Variants in IMPG1 observed in about 807,000 individuals in gnomAD.
IMPG1 encodes the protein interphotoreceptor matrix proteoglycan 1, also known as interphotoreceptor matrix proteoglycan of 150 kDa.
In IMPG1, 85 loss-of-function variants were observed where a neutral mutation model predicts 92.0. The ratio of observed to expected loss-of-function variants is 0.92; its 90% CI spans 0.78 to 1.11. IMPG1 has a LOEUF of 1.11. Ranked by LOEUF, IMPG1 falls within the 50% of genes least tolerant of loss-of-function variation. IMPG1 has a pLI of 0.00. For synonymous variants in IMPG1, 367 were observed against 334.1 expected (o/e 1.10, Z -1.08); for missense variants, 1,022 against 956.0 (o/e 1.07, Z -0.91).
chr6:75,982,623 A>T (rs926999023), intron 12 of IMPG1, among the ~76,000 whole-genome samples: 1 of 150,480 alleles, frequency 6.6e-6, no homozygotes, highest in Non-Finnish European at 1.5e-5. Flanking sequence ...ATGTGTGTGT[A>T]TATATATATG....
At chr6:76,019,512 C>G (rs553393397) in intron 6 of IMPG1, among the ~76,000 whole-genome samples, 1 of 152,264 alleles carries the variant, frequency 6.6e-6, no homozygotes, top group East Asian at 1.9e-4. Context: ...GGACAGAGCT[C>G]AACTGGATAA....
In IMPG1 at chr6:76,041,989, T is replaced by C. The variant is rs748940414; in HGVS notation, c.205A>G (p.Lys69Glu). ...RIFDLAKHRT[K>E]RSAFFPTGVK... ...CCCGTTGGGAAAAATGCGGATCTTT[T>C]TGTTCGATGCTTTGCCAAATCGAAT... The change falls in exon 2 of 17, where the codon AAA becomes GAA. Residue 69 changes from lysine to glutamate, a missense_variant. Lys to Glu is a moderately conservative substitution (Grantham distance 56). Transcript: ENST00000369950. The C allele has an allele frequency of 1.4e-5, 22 of 1,613,930 alleles. No homozygotes were observed. Among genetic ancestry groups the C allele is most frequent in the Non-Finnish European group, 1.9e-5 (22 of 1,179,918 alleles).
intron 14 of IMPG1, among the ~76,000 whole-genome samples, chr6:75,946,659 G>A (rs1562343259): frequency 6.6e-6 from 1 of 152,162 alleles, no homozygotes; most frequent in Non-Finnish European, 1.5e-5. Context: ...CTCTTGTGTG[G>A]CTTTGGGCTA....
At chr6:76,065,932 A>G (rs1784301609) in intron 1 of IMPG1, among the ~76,000 whole-genome samples, 1 of 152,150 alleles carries the variant, frequency 6.6e-6, no homozygotes, top group African/African-American at 2.4e-5. Context: ...TTCAGACTGC[A>G]TAAAGAAAAA....
chr6:75,941,981 C>G (rs1962601), intron 14 of IMPG1, among the ~76,000 whole-genome samples: 136,784 of 152,182 alleles, frequency 0.9, 62,770 homozygotes, highest in Non-Finnish European at 1. Flanking sequence ...GACACTGGAC[C>G]TGAGGTGGGA....
At chr6:75,984,050 C>A (rs1314887086) in intron 12 of IMPG1, among the ~76,000 whole-genome samples, 1 of 151,998 alleles carries the variant, frequency 6.6e-6, no homozygotes, top group Non-Finnish European at 1.5e-5. Context: ...TGGCTATTAT[C>A]AAAAAGACAA....
At chr6:75,934,810 C>T (rs9360960) in intron 14 of IMPG1, 91,118 of 342,406 alleles carry the variant, frequency 0.27, 13,459 homozygotes, top group Non-Finnish European at 0.33. Flanking sequence ...CCGTCCCGCC[C>T]CTCAACCTTG....
intron 8 of IMPG1, among the ~76,000 whole-genome samples, chr6:76,010,057 A>T (rs867977555): frequency 6.6e-6 from 1 of 152,254 alleles, no homozygotes; most frequent in Admixed American, 6.5e-5. Flanking sequence ...GGTAGATATT[A>T]AGGGTTTCAT....
At position 76,018,903 on chromosome 6, in the gene IMPG1, C is replaced by A. The variant is rs1025700095; in HGVS notation, c.667-45G>T. The A allele has an allele frequency of 3.3e-6, 5 of 1,504,260 alleles. No homozygotes were observed. The South Asian group carries it at 5.1e-5, about 15-fold the overall frequency. 93.2% of individuals were successfully genotyped at this position (1,504,260 alleles called of 1,614,324 possible). On this transcript the variant is annotated intron_variant, in intron 6 of 16. Transcript: ENST00000369950. Reference sequence around the variant, plus strand: ...AAAGGACTTCTGTTAACCTAAACCACAAATAAATGGTTATTTTAGATAATA... The same window carrying A: ...AAAGGACTTCTGTTAACCTAAACCAAAAATAAATGGTTATTTTAGATAATA...
At chr6:75,924,624 TAAATTA>T (rs1305929565) in intron 15 of IMPG1, among the ~76,000 whole-genome samples, 1,594 of 22,240 alleles carry the variant, frequency 0.072, 501 homozygotes, top group South Asian at 0.08. Flanking sequence ...TAATATATAA[TAAATTA>T]TATATTATAT....
At chr6:75,958,854 C>T (rs2149460762) in intron 12 of IMPG1, among the ~76,000 whole-genome samples, 1 of 152,058 alleles carries the variant, frequency 6.6e-6, no homozygotes, top group East Asian at 1.9e-4. Context: ...TGTTATTATC[C>T]ACCTTCTGAA....
intron 1 of IMPG1, among the ~76,000 whole-genome samples, chr6:76,059,259 A>G (rs1784166365): frequency 6.6e-6 from 1 of 152,024 alleles, no homozygotes; most frequent in Non-Finnish European, 1.5e-5. Context: ...GTCAAGTTAC[A>G]CCCATTAAGC....
chr6:75,991,623 C>G (rs1324903434), intron 12 of IMPG1, among the ~76,000 whole-genome samples: 1 of 152,146 alleles, frequency 6.6e-6, no homozygotes, highest in African/African-American at 2.4e-5. Flanking sequence ...TCTGAACAAC[C>G]TTCTCTCTAT....
intron 14 of IMPG1, among the ~76,000 whole-genome samples, chr6:75,932,787 G>A (rs1466359991): frequency 6.6e-6 from 1 of 151,692 alleles, no homozygotes; most frequent in Non-Finnish European, 1.5e-5. Flanking sequence ...TGTAACCTCC[G>A]CCTCCCAGGT....
intron 1 of IMPG1, among the ~76,000 whole-genome samples, chr6:76,067,769 C>G (rs562937607): frequency 1.3e-5 from 2 of 152,242 alleles, no homozygotes; most frequent in East Asian, 3.9e-4. Context: ...CCCTGATTAA[C>G]ATAGATGCAA....
At chr6:76,003,639 C>G (rs111590164) in intron 11 of IMPG1, among the ~76,000 whole-genome samples, 31 of 152,164 alleles carry the variant, frequency 2.0e-4, no homozygotes, top group African/African-American at 6.5e-4. Flanking sequence ...AAAAATCTAA[C>G]TAAATTGAAG....
intron 14 of IMPG1, among the ~76,000 whole-genome samples, chr6:75,935,893 T>C (rs919726312): frequency 6.6e-6 from 1 of 152,200 alleles, no homozygotes; most frequent in East Asian, 1.9e-4. Context: ...AGTCTGACAG[T>C]TCTCTTCTCA....
intron 11 of IMPG1, 59 bp downstream of exon 11, chr6:76,003,815 T>G: frequency 1.6e-6 from 2 of 1,234,688 alleles, no homozygotes; most frequent in Non-Finnish European, 2.4e-6. Context: ...GATTTGTTCT[T>G]TGGTGGAAGG....
Position 75,930,965 on chromosome 6 carries a change from C to T in IMPG1, c.2231G>A (p.Gly744Glu). Residue 744 changes from glycine (G) to glutamate (E), a missense_variant, in exon 15 of 17, where the codon GGA becomes GAA. Gly to Glu is a moderately conservative substitution (Grantham distance 98, BLOSUM62 -2). This residue lies in a region of IMPG1 where 332 missense variants were observed against 346.2 expected (regional missense o/e 0.96). Coordinates refer to ENST00000369950, the MANE Select transcript of IMPG1 (RefSeq NM_001563.4). ...TKECEVLQGK[G>E]APCRLPDHSE... ...ATGCTTGACCCACCTGCATGGAGCT[C>T]CCTTTCCCTGGAGGACCTCGCATTC... 1 of 1,614,204 alleles carries T rather than the reference C, an allele frequency of 6.2e-7. No individual in the cohort carries two copies. The highest frequency in any genetic ancestry group is 8.5e-7 in the Non-Finnish European group (1 of 1,180,012).
Sources: gnomAD v4.1 joint callset for allele counts (sites outside exome capture counted in the v4.1 genomes callset) on GRCh38, gnomAD v4.1.1 for gene constraint, gnomAD v4.1.1 regional missense constraint, MANE v1.5 for transcripts, NCBI Gene and HGNC (gene_info 2026-07-23, HGNC 2026-07-21) for gene names.